LAPTM4B: variants seen among roughly 807,000 people sequenced by gnomAD.
The protein encoded by LAPTM4B is lysosomal-associated transmembrane protein 4B.
In LAPTM4B, 26 loss-of-function variants were observed where a neutral mutation model predicts 28.5. The observed-to-expected ratio is 0.91, with a 90% CI of 0.67 to 1.27. The LOEUF is 1.27. Ranked by LOEUF, LAPTM4B falls within the 50% of genes most tolerant of loss-of-function variation. The probability of loss-of-function intolerance (pLI) is 0.00; values close to 1 mark genes in which losing one functional copy is unlikely to be tolerated. For synonymous variants in LAPTM4B, 109 were observed against 106.4 expected (o/e 1.02, Z -0.15); for missense variants, 288 against 285.8 (o/e 1.01, Z -0.06).
chr8:97,827,085 G>A (rs1817101135), intron 6 of LAPTM4B, among the ~76,000 whole-genome samples: 1 of 152,146 alleles, frequency 6.6e-6, no homozygotes, highest in Non-Finnish European at 1.5e-5. Flanking sequence ...TATTGCATGT[G>A]CTTGTTTTGA....
At chr8:97,776,559 G>T (rs1050302727) in intron 1 of LAPTM4B, among the ~76,000 whole-genome samples, 1 of 152,238 alleles carries the variant, frequency 6.6e-6, no homozygotes. Context: ...CTGTGGTTAG[G>T]GTTGCGGATT....
chr8:97,823,154 T>C (rs974974285), intron 5 of LAPTM4B, among the ~76,000 whole-genome samples: 4 of 152,040 alleles, frequency 2.6e-5, no homozygotes, highest in African/African-American at 9.7e-5. Flanking sequence ...TAAATAGTTC[T>C]AATTCAATAT....
chr8:97,824,810 C>G (rs1817068627), intron 5 of LAPTM4B, among the ~76,000 whole-genome samples: 1 of 151,938 alleles, frequency 6.6e-6, no homozygotes, highest in South Asian at 2.1e-4. Context: ...CCTCTCCCAA[C>G]TTCCCCCAGT....
At chr8:97,825,610 T>C (rs569613749) in intron 6 of LAPTM4B, among the ~76,000 whole-genome samples, 1 of 152,252 alleles carries the variant, frequency 6.6e-6, no homozygotes, top group African/African-American at 2.4e-5. Context: ...TATGTATGTA[T>C]TCTTAGTAAA....
intron 1 of LAPTM4B, among the ~76,000 whole-genome samples, chr8:97,791,579 A>G (rs1586322060): frequency 6.6e-6 from 1 of 152,266 alleles, no homozygotes; most frequent in South Asian, 2.1e-4. Context: ...CCCTTGTCAG[A>G]TTGGGAGTGC....
At position 97,775,942 on chromosome 8, in the gene LAPTM4B, G is replaced by A. The variant is rs1242941988; in HGVS notation, c.-68G>A. ...AGGAGCCGGCAGCAGCGGCGCGGCGGGCTCCAGGCGAGGCGGTCGACGCTC... is the reference window on the plus strand; with the variant it reads ...AGGAGCCGGCAGCAGCGGCGCGGCGAGCTCCAGGCGAGGCGGTCGACGCTC... On this transcript the variant is annotated 5_prime_UTR_variant, in exon 1 of 7. Coordinates refer to ENST00000521545, the MANE Select transcript of LAPTM4B (RefSeq NM_018407.6). 2 of 1,482,864 alleles carry A rather than the reference G, an allele frequency of 1.3e-6. No individual in the cohort carries two copies. Among genetic ancestry groups the A allele is most frequent in the Non-Finnish European group, 8.9e-7 (1 of 1,125,824 alleles). The allele number at this position is 1,482,864 out of a possible 1,614,324, so 91.9% of individuals were successfully genotyped here. A position where few individuals can be genotyped will look rare whatever the true frequency, so the allele number is the denominator to read the frequency against.
At chr8:97,850,901 C>A (rs1054864207) in intron 6 of LAPTM4B, among the ~76,000 whole-genome samples, 4 of 150,958 alleles carry the variant, frequency 2.6e-5, no homozygotes, top group African/African-American at 9.9e-5. Flanking sequence ...TCTGAGGTAT[C>A]CTTATTTCAT....
At chr8:97,787,599 A>T (rs1007487313) in intron 1 of LAPTM4B, among the ~76,000 whole-genome samples, 2 of 152,128 alleles carry the variant, frequency 1.3e-5, no homozygotes, top group Non-Finnish European at 2.9e-5. Context: ...CTTTTAACAG[A>T]TACACCTAAC....
chr8:97,786,871 T>C (rs1427181159), intron 1 of LAPTM4B, among the ~76,000 whole-genome samples: 1 of 152,156 alleles, frequency 6.6e-6, no homozygotes, highest in Non-Finnish European at 1.5e-5. Context: ...GAGCCAGTTA[T>C]GCTATAGATA....
At chr8:97,808,694 G>A (rs944460045) in intron 2 of LAPTM4B, among the ~76,000 whole-genome samples, 8 of 152,130 alleles carry the variant, frequency 5.3e-5, no homozygotes, top group Non-Finnish European at 4.4e-5. Context: ...GCTCACACCT[G>A]TAATCCCAGC....
At chr8:97,846,623 G>T (rs1467978354) in intron 6 of LAPTM4B, among the ~76,000 whole-genome samples, 1 of 152,140 alleles carries the variant, frequency 6.6e-6, no homozygotes, top group Non-Finnish European at 1.5e-5. Flanking sequence ...CACTGTGTCA[G>T]GCCTAAATAT....
intron 5 of LAPTM4B, among the ~76,000 whole-genome samples, chr8:97,819,727 C>CTTTTTT (rs532220760): frequency 1.3e-4 from 10 of 78,566 alleles, no homozygotes; most frequent in African/African-American, 2.6e-4. Context: ...GATAAATTTC[C>CTTTTTT]TTTTTTTTTT....
At chr8:97,838,039 C>T (rs909906892) in intron 6 of LAPTM4B, among the ~76,000 whole-genome samples, 2 of 152,112 alleles carry the variant, frequency 1.3e-5, no homozygotes, top group African/African-American at 4.8e-5. Context: ...TGAGAGAGCA[C>T]TAAGAGACTG....
intron 6 of LAPTM4B, among the ~76,000 whole-genome samples, chr8:97,835,931 T>G (rs1166212046): frequency 1.1e-4 from 17 of 152,288 alleles, no homozygotes. Context: ...CTTACAAGAT[T>G]AGCAACAGCA....
intron 1 of LAPTM4B, among the ~76,000 whole-genome samples, chr8:97,789,031 G>A (rs1816453625): frequency 1.4e-5 from 2 of 146,016 alleles, no homozygotes; most frequent in Non-Finnish European, 3.0e-5. Context: ...TTCATTTGGT[G>A]CTCACTCTTT....
rs931442299 is a variant in LAPTM4B at position 97,776,156 on chromosome 8, C to T, written c.99+48C>T. 9 of 1,503,220 alleles carry T rather than the reference C, an allele frequency of 6.0e-6. No individual in the cohort carries two copies. In the Admixed American group the frequency reaches 8.4e-5, roughly 14 times the overall value. The allele number at this position is 1,503,220 out of a possible 1,614,324, so 93.1% of individuals were successfully genotyped here. On this transcript the variant is annotated intron_variant, in intron 1 of 6. Coordinates refer to ENST00000521545, the MANE Select transcript of LAPTM4B (RefSeq NM_018407.6). ...GGGACCCTGCGTTGCTTCCGCGCCC[C>T]TAGCTGGGCTTCTGGCCCGGCCTCG...
chr8:97,801,356 A>G (rs987755691), intron 1 of LAPTM4B, among the ~76,000 whole-genome samples: 5 of 151,896 alleles, frequency 3.3e-5, no homozygotes, highest in Middle Eastern at 6.8e-3. Flanking sequence ...TAATTTTTCT[A>G]TTTTTAGCAG....
At chr8:97,822,173 G>A (rs1817014017) in intron 5 of LAPTM4B, among the ~76,000 whole-genome samples, 1 of 152,060 alleles carries the variant, frequency 6.6e-6, no homozygotes, top group African/African-American at 2.4e-5. Context: ...CAGGCTGCAG[G>A]CAGGGCTGGC....
intron 6 of LAPTM4B, among the ~76,000 whole-genome samples, chr8:97,836,318 C>G (rs1373696248): frequency 6.6e-6 from 1 of 152,084 alleles, no homozygotes; most frequent in Non-Finnish European, 1.5e-5. Context: ...GTAGCTGGGA[C>G]TACAGGCACA....
Sources: allele counts gnomAD v4.1 joint callset (sites outside exome capture counted in the v4.1 genomes callset), GRCh38; gene constraint gnomAD v4.1.1; transcripts MANE v1.5; gene names NCBI Gene and HGNC (gene_info 2026-07-23, HGNC 2026-07-21).